CACNA1C: variants seen among roughly 807,000 people sequenced by gnomAD.
CACNA1C encodes calcium voltage-gated channel subunit alpha1 C.
Under a neutral mutation model 229.0 loss-of-function variants are expected in CACNA1C, and 30 were observed. The observed-to-expected ratio is 0.13, with a 90% CI of 0.10 to 0.18. The LOEUF is 0.18. Among genes scored for constraint, CACNA1C ranks in the 10% least tolerant of loss-of-function variants. CACNA1C has a pLI of 1.00. For synonymous variants in CACNA1C, 1,114 were observed against 1,132.5 expected, an observed-to-expected ratio of 0.98 and a Z score of 0.33; for missense variants, 1,658 against 2,845.0, an observed-to-expected ratio of 0.58 and a Z score of 9.49.
intron 3 of CACNA1C, among the ~76,000 whole-genome samples, chr12:2,438,628 G>A (rs1318592871): frequency 6.6e-6 from 1 of 152,040 alleles, no homozygotes; most frequent in Admixed American, 6.5e-5. Flanking sequence ...CACAGAATGT[G>A]GCTGGGGAAC....
chr12:2,251,909 C>T (rs952125540), intron 3 of CACNA1C, among the ~76,000 whole-genome samples: 1 of 152,174 alleles, frequency 6.6e-6, no homozygotes, highest in Non-Finnish European at 1.5e-5. Flanking sequence ...GTTAAGAGGG[C>T]TAATGAAACC....
intron 34 of CACNA1C, 90 bp downstream of exon 34, chr12:2,655,328 T>C: frequency 1.3e-6 from 1 of 764,548 alleles, no homozygotes; most frequent in Non-Finnish European, 2.2e-6. Context: ...GGGAACTGCT[T>C]CCCGGGGAGT....
chr12:2,569,755 CAT>C (rs2053334375), intron 13 of CACNA1C, among the ~76,000 whole-genome samples: 1 of 152,160 alleles, frequency 6.6e-6, no homozygotes, highest in Admixed American at 6.5e-5. Flanking sequence ...TATGAACATT[CAT>C]GTTCAAGTCT....
intron 5 of CACNA1C, among the ~76,000 whole-genome samples, chr12:2,470,520 T>G (rs1235116289): frequency 6.6e-6 from 1 of 152,162 alleles, no homozygotes; most frequent in Non-Finnish European, 1.5e-5. Flanking sequence ...GATTCTCTCG[T>G]GCTGATTCAT....
intron 6 of CACNA1C, among the ~76,000 whole-genome samples, chr12:2,490,066 A>G (rs1401096982): frequency 6.6e-6 from 1 of 152,204 alleles, no homozygotes; most frequent in Non-Finnish European, 1.5e-5. Context: ...TTTTATAGAT[A>G]CCTATTTTTA....
rs144578883 is a variant in CACNA1C, at chr12:2,162,884, C to G, written c.477+42454C>G. On this transcript the variant is annotated intron_variant, in intron 3 of 46. Coordinates refer to ENST00000399655, the MANE Select transcript of CACNA1C (RefSeq NM_000719.7). ...AGAACCAGCACAAAGCCATTGCCTT[C>G]TTGAACGTCTTCATTAAAACTAGAA... Among the ~76,000 whole-genome samples, 40 of 152,274 alleles carry G rather than the reference C, an allele frequency of 2.6e-4. No homozygotes were observed. In the East Asian group the frequency reaches 6.0e-3, roughly 23 times the overall value.
At chr12:2,019,585 GAGAA>G (rs998448425) in intron 1 of CACNA1C, among the ~76,000 whole-genome samples, 5 of 150,130 alleles carry the variant, frequency 3.3e-5, no homozygotes, top group Middle Eastern at 3.4e-3. Context: ...GAAAGAGAGA[GAGAA>G]AGAAAGAGAA....
chr12:2,610,852 G>A (rs933832140), intron 28 of CACNA1C, among the ~76,000 whole-genome samples, 153 bp downstream of exon 28: 1 of 152,260 alleles, frequency 6.6e-6, no homozygotes, highest in Non-Finnish European at 1.5e-5. Flanking sequence ...TGTCAAGGAT[G>A]TGCTCCTCTC....
Position 2,608,825 on chromosome 12 carries a change from GTC to G in CACNA1C, c.3558+119_3558+120del, listed in dbSNP as rs1335466654. 2.0e-5 allele frequency: 21 copies of G among 1,024,828 alleles called. No homozygotes were observed. Among genetic ancestry groups the G allele is most frequent in the Non-Finnish European group, 3.0e-5 (21 of 690,430 alleles). 63.5% of individuals were successfully genotyped at this position (1,024,828 alleles called of 1,614,324 possible). A position where few individuals can be genotyped will look rare whatever the true frequency, so the allele number is the denominator to read the frequency against. ...GAGAGGCCGTGCAGATACTGAGATC[GTC>G]TCTCTATTCCTCAACCAGAGTGGGC... On this transcript the variant is annotated intron_variant, in intron 27 of 46. Coordinates refer to ENST00000399655, the MANE Select transcript of CACNA1C (RefSeq NM_000719.7). The surrounding 1 kb of genome is among the most constrained non-coding windows in gnomAD (Gnocchi z 4.2).
intron 1 of CACNA1C, among the ~76,000 whole-genome samples, chr12:1,979,950 A>G (rs2154464096): frequency 6.6e-6 from 1 of 152,340 alleles, no homozygotes; most frequent in East Asian, 1.9e-4. Flanking sequence ...GAATTCCCAG[A>G]AAATTAAAAA....
intron 3 of CACNA1C, among the ~76,000 whole-genome samples, chr12:2,226,920 A>G (rs1321590788): frequency 6.6e-6 from 1 of 152,224 alleles, no homozygotes; most frequent in African/African-American, 2.4e-5. Context: ...ATGCATCTGA[A>G]TCCCGGTCCA....
intron 5 of CACNA1C, among the ~76,000 whole-genome samples, chr12:2,461,719 T>C (rs2099504613): frequency 6.6e-6 from 1 of 152,220 alleles, no homozygotes; most frequent in African/African-American, 2.4e-5. Flanking sequence ...TCAGGCCTTA[T>C]TGGACTTATT....
rs1400014978 is a variant in CACNA1C, at chr12:2,679,923, C to T, written c.5444+127C>T. On this transcript the variant is annotated intron_variant, in intron 42 of 46. Coordinates refer to ENST00000399655, the MANE Select transcript of CACNA1C (RefSeq NM_000719.7). This position sits in a 1 kb window ranked among gnomAD's most constrained non-coding sequence, Gnocchi z 5.5. The stretch of plus-strand genomic sequence containing the variant: ...CTCAAGCTTCCAGGAGGTTGCTGCC[C>T]CAGACTCCAGCAAGAGCAGGAGGCA... The T allele has an allele frequency of 8.7e-6, 6 of 686,694 alleles. No individual in the cohort carries two copies. The highest frequency in any genetic ancestry group is 1.5e-5 in the Non-Finnish European group (6 of 407,600). The allele number at this position is 686,694 out of a possible 1,614,324, so 42.5% of individuals were successfully genotyped here.
At chr12:2,578,813 C>T (rs553886534) in intron 13 of CACNA1C, among the ~76,000 whole-genome samples, 3 of 152,238 alleles carry the variant, frequency 2.0e-5, no homozygotes, top group Admixed American at 1.3e-4. Context: ...GAGGCAGGGG[C>T]GGCAGGGAGA....
chr12:2,679,860 C>T lies in CACNA1C; in HGVS notation c.5444+64C>T, dbSNP rs948119824. The T allele has an allele frequency of 1.6e-6, 2 of 1,219,540 alleles. No homozygotes were observed. The highest frequency in any genetic ancestry group is 2.3e-6 in the Non-Finnish European group (2 of 875,464). The allele number at this position is 1,219,540 out of a possible 1,614,324, so 75.5% of individuals were successfully genotyped here. A position where few individuals can be genotyped will look rare whatever the true frequency, so the allele number is the denominator to read the frequency against. ...CCCACGTGCTGCAACCCTCAGGAGA[C>T]AGTGGAGGAGACGGAGGCCTCGGCC... On this transcript the variant is annotated intron_variant, in intron 42 of 46. Transcript: ENST00000399655. This position sits in a 1 kb window ranked among gnomAD's most constrained non-coding sequence, Gnocchi z 5.5.
chr12:2,505,522 G>A (rs575022971), intron 8 of CACNA1C, among the ~76,000 whole-genome samples: 22 of 152,194 alleles, frequency 1.4e-4, no homozygotes, highest in Non-Finnish European at 2.4e-4. Context: ...AGAAGTAACC[G>A]GGCATGGTGG....
In CACNA1C at chr12:2,661,280, T is replaced by TACACAC. The variant is rs1210712672; in HGVS notation, c.4233-3515_4233-3510dup. ...CCATCTCTAAACACATACACACACA[T>TACACAC]ACACACACACACACACACACACACA... On this transcript the variant is annotated intron_variant, in intron 34 of 46. Transcript: ENST00000399655. 4.1e-3 allele frequency among the ~76,000 whole-genome samples: 500 copies of TACACAC among 123,450 alleles called. 4 individuals carry two copies. Among genetic ancestry groups the TACACAC allele is most frequent in the African/African-American group, 0.015 (457 of 31,208 alleles). 81.0% of individuals were successfully genotyped at this position (123,450 alleles called of 152,430 possible).
At chr12:2,409,347 T>C (rs183610019) in intron 3 of CACNA1C, among the ~76,000 whole-genome samples, 3 of 152,290 alleles carry the variant, frequency 2.0e-5, no homozygotes, top group African/African-American at 7.2e-5. Flanking sequence ...GGTGTAGAAC[T>C]AGATCATCCC....
At chr12:2,156,023 A>G (rs537740970) in intron 3 of CACNA1C, among the ~76,000 whole-genome samples, 3 of 152,340 alleles carry the variant, frequency 2.0e-5, no homozygotes, top group African/African-American at 7.2e-5. Context: ...TAGACACAAG[A>G]ACAAGAGTGA....
Sources: gnomAD v4.1 joint callset for allele counts (sites outside exome capture counted in the v4.1 genomes callset) on GRCh38, gnomAD v4.1.1 for gene constraint, Gnocchi (gnomAD v3.1) non-coding constraint, MANE v1.5 for transcripts, NCBI Gene and HGNC (gene_info 2026-07-23, HGNC 2026-07-21) for gene names.